ARHGAP26: variants seen among roughly 807,000 people sequenced by gnomAD.
ARHGAP26 encodes the protein Rho GTPase activating protein 26.
A neutral mutation model predicts 104.8 loss-of-function variants in ARHGAP26; 38 were observed. The observed-to-expected ratio is 0.36, with a 90% CI of 0.28 to 0.48. ARHGAP26 has a LOEUF of 0.48. Ranked by LOEUF, ARHGAP26 falls within the 20% of genes least tolerant of loss-of-function variation. The pLI, the probability that ARHGAP26 is intolerant of heterozygous loss-of-function variation, is 0.99. For synonymous variants in ARHGAP26, 341 were observed against 340.0 expected, an observed-to-expected ratio of 1.00 and a Z score of -0.03; for missense variants, 704 against 947.9, an observed-to-expected ratio of 0.74 and a Z score of 3.38.
chr5:142,906,637 T>G (rs969752185), intron 8 of ARHGAP26, among the ~76,000 whole-genome samples: 3 of 152,256 alleles, frequency 2.0e-5, no homozygotes, highest in Non-Finnish European at 2.9e-5. Flanking sequence ...GATGCTCAAG[T>G]TGTCCAAGAT....
intron 20 of ARHGAP26, among the ~76,000 whole-genome samples, chr5:143,199,199 G>A (rs1004523350): frequency 3.3e-5 from 5 of 152,162 alleles, no homozygotes; most frequent in African/African-American, 7.2e-5. Flanking sequence ...AAAAGAACAC[G>A]AAACAGTCAA....
intron 20 of ARHGAP26, among the ~76,000 whole-genome samples, chr5:143,192,168 C>T (rs1292528776): frequency 2.0e-5 from 3 of 152,196 alleles, no homozygotes; most frequent in African/African-American, 4.8e-5. Context: ...GGAAGAAAAA[C>T]ACAGCCCTTG....
intron 11 of ARHGAP26, among the ~76,000 whole-genome samples, chr5:142,953,803 C>T (rs1171011961): frequency 1.3e-5 from 2 of 152,168 alleles, no homozygotes; most frequent in East Asian, 1.9e-4. Context: ...ATTACCTCTG[C>T]CTGAAGGTAG....
chr5:142,845,601 G>C (rs969592360), intron 1 of ARHGAP26, among the ~76,000 whole-genome samples: 1 of 152,168 alleles, frequency 6.6e-6, no homozygotes, highest in African/African-American at 2.4e-5. Flanking sequence ...CTGCAGACCC[G>C]TGTATTTTTA....
At chr5:143,076,326 G>A (rs1789020240) in intron 17 of ARHGAP26, among the ~76,000 whole-genome samples, 1 of 152,052 alleles carries the variant, frequency 6.6e-6, no homozygotes, top group Non-Finnish European at 1.5e-5. Flanking sequence ...AGCCCCTGAA[G>A]TATACTGCAC....
chr5:143,009,638 G>A (rs941734806), intron 11 of ARHGAP26, among the ~76,000 whole-genome samples: 16 of 152,140 alleles, frequency 1.1e-4, no homozygotes, highest in Middle Eastern at 3.2e-3. Context: ...TAGATGGACC[G>A]TGATAAGATA....
intron 7 of ARHGAP26, among the ~76,000 whole-genome samples, 173 bp from the exon 8 acceptor site, chr5:142,903,367 G>T (rs1250080406): frequency 1.3e-5 from 2 of 152,092 alleles, no homozygotes; most frequent in Non-Finnish European, 2.9e-5. Flanking sequence ...GAGTCATTCT[G>T]GTATAGGACT....
intron 1 of ARHGAP26, among the ~76,000 whole-genome samples, chr5:142,856,480 C>A (rs1752372018): frequency 6.6e-6 from 1 of 152,130 alleles, no homozygotes; most frequent in African/African-American, 2.4e-5. Flanking sequence ...TGGCAGAACC[C>A]CTAGGTTTTG....
intron 1 of ARHGAP26, among the ~76,000 whole-genome samples, chr5:142,832,377 GCTCT>G (rs144049219): frequency 9.3e-5 from 14 of 150,370 alleles, no homozygotes; most frequent in South Asian, 4.2e-4. Context: ...CCGAGAGCAG[GCTCT>G]CTCTCTCTCT....
At position 143,222,562 on chromosome 5, in the gene ARHGAP26, C is replaced by A; in HGVS notation, c.*116C>A. 1 of 732,832 alleles carries A rather than the reference C, an allele frequency of 1.4e-6. No homozygotes were observed. The highest frequency in any genetic ancestry group is 2.1e-6 in the Non-Finnish European group (1 of 480,672). The allele number at this position is 732,832 out of a possible 1,614,324, so 45.4% of individuals were successfully genotyped here. On this transcript the variant is annotated 3_prime_UTR_variant, in exon 23 of 23. Coordinates refer to ENST00000645722, the MANE Select transcript of ARHGAP26 (RefSeq NM_001135608.3). The stretch of plus-strand genomic sequence containing the variant: ...AAATGCAGCGTGACTGACTCTGTTG[C>A]TACCTGTCAACATGAATGTTTCTGT...
At chr5:143,126,172 T>A (rs1209293357) in intron 18 of ARHGAP26, among the ~76,000 whole-genome samples, 1 of 152,216 alleles carries the variant, frequency 6.6e-6, no homozygotes, top group Non-Finnish European at 1.5e-5. Context: ...TCTACTGGCA[T>A]TGGGCTCTGA....
At chr5:143,134,164 C>T (rs771876379) in intron 19 of ARHGAP26, 59 bp downstream of exon 19, 27 of 1,542,376 alleles carry the variant, frequency 1.8e-5, no homozygotes, top group East Asian at 7.0e-5. Flanking sequence ...GCTACCTGCA[C>T]GGCTCAGGGT....
At chr5:142,772,448 C>T (rs1163390111) in intron 1 of ARHGAP26, among the ~76,000 whole-genome samples, 1 of 152,200 alleles carries the variant, frequency 6.6e-6, no homozygotes, top group Admixed American at 6.5e-5. Context: ...CTCAGGCTGG[C>T]TTTAGTGAGT....
intron 17 of ARHGAP26, among the ~76,000 whole-genome samples, chr5:143,081,152 A>G (rs1302900879): frequency 6.6e-6 from 1 of 152,146 alleles, no homozygotes; most frequent in Non-Finnish European, 1.5e-5. Context: ...AGCTCTCAGC[A>G]TACAGATTAT....
chr5:142,967,793 C>T (rs1348614650), intron 11 of ARHGAP26, among the ~76,000 whole-genome samples: 1 of 152,126 alleles, frequency 6.6e-6, no homozygotes, highest in African/African-American at 2.4e-5. Context: ...GGGGAAGTAG[C>T]ATTCTCTTGG....
intron 9 of ARHGAP26, 57 bp from the exon 10 acceptor site, chr5:142,913,142 G>T: frequency 7.2e-7 from 1 of 1,396,748 alleles, no homozygotes; most frequent in South Asian, 1.2e-5. Context: ...TGTATGTCCT[G>T]GGAGGAGTAG....
intron 10 of ARHGAP26, among the ~76,000 whole-genome samples, chr5:142,925,259 T>G (rs1368293492): frequency 6.6e-6 from 1 of 152,220 alleles, no homozygotes; most frequent in African/African-American, 2.4e-5. Flanking sequence ...TTTTTTGCTT[T>G]GCACTTGCAC....
chr5:142,952,960 T>G (rs961410560), intron 11 of ARHGAP26, among the ~76,000 whole-genome samples: 1 of 152,092 alleles, frequency 6.6e-6, no homozygotes, highest in Non-Finnish European at 1.5e-5. Context: ...CCTCCCACCT[T>G]GGCCTCCCAA....
intron 20 of ARHGAP26, among the ~76,000 whole-genome samples, chr5:143,188,984 A>G (rs560516405): frequency 1.3e-5 from 2 of 152,354 alleles, no homozygotes; most frequent in Admixed American, 1.3e-4. Flanking sequence ...AACAAGCGAC[A>G]TACTCTTTTA....
Sources: gnomAD v4.1 joint callset for allele counts (sites outside exome capture counted in the v4.1 genomes callset) on GRCh38, gnomAD v4.1.1 for gene constraint, MANE v1.5 for transcripts, NCBI Gene and HGNC (gene_info 2026-07-23, HGNC 2026-07-21) for gene names.